Variants in GPM6B observed in about 807,000 individuals in gnomAD.
The protein encoded by GPM6B is glycoprotein M6B, also known as neuronal membrane glycoprotein M6-b.
GPM6B carries 4 observed loss-of-function variants against 27.2 expected under a neutral mutation model. That is an observed-to-expected ratio of 0.15 (90% CI 0.07 to 0.34). GPM6B has a LOEUF of 0.34. GPM6B is among the 10% of genes least tolerant of loss of function. The probability of loss-of-function intolerance (pLI) is 1.00; values close to 1 mark genes in which losing one functional copy is unlikely to be tolerated. For missense variants in GPM6B, 183 were observed against 261.9 expected (o/e 0.70, Z 2.08); for synonymous variants, 124 against 103.1 (o/e 1.20, Z -1.23).
intron 1 of GPM6B, among the ~76,000 whole-genome samples, chrX:13,874,852 T>C (rs1241560075): frequency 8.9e-6 from 1 of 111,938 alleles, no homozygotes; most frequent in Non-Finnish European, 1.9e-5. Context: ...TTGTGAAGAC[T>C]AAACGAGGTC....
intron 2 of GPM6B, among the ~76,000 whole-genome samples, chrX:13,802,552 T>TTATATA (rs10645553): frequency 1.3e-4 from 14 of 106,014 alleles, no homozygotes; most frequent in African/African-American, 3.1e-4. Flanking sequence ...ATAAATTATT[T>TTATATA]TATATATATA....
chrX:13,845,283 C>T (rs1177834155), intron 1 of GPM6B, among the ~76,000 whole-genome samples: 2 of 111,918 alleles, frequency 1.8e-5, no homozygotes, highest in Admixed American at 9.5e-5. Context: ...AGCCACTGCA[C>T]CTGGCCAGAA....
At chrX:13,776,151 A>T in intron 7 of GPM6B, 87 bp downstream of exon 7, 1 of 750,272 alleles carries the variant, frequency 1.3e-6, no homozygotes, top group Non-Finnish European at 2.1e-6. Context: ...TGGCTTCAAT[A>T]GGCTGGTAAA....
chrX:13,812,110 C>A (rs1174726902), intron 1 of GPM6B, among the ~76,000 whole-genome samples: 1 of 96,241 alleles, frequency 1.0e-5, no homozygotes, highest in Non-Finnish European at 2.0e-5. Context: ...AGTGCAGCGG[C>A]ACTATCTCGG....
At chrX:13,796,954 C>T (rs1174555939) in intron 2 of GPM6B, among the ~76,000 whole-genome samples, 1 of 112,505 alleles carries the variant, frequency 8.9e-6, no homozygotes, top group African/African-American at 3.2e-5. Context: ...AGTGGGACAG[C>T]AAGGAATCAT....
At chrX:13,841,487 C>T (rs1434992163) in intron 1 of GPM6B, among the ~76,000 whole-genome samples, 4 of 112,019 alleles carry the variant, frequency 3.6e-5, no homozygotes, top group Admixed American at 1.9e-4. Flanking sequence ...CTTTACATAT[C>T]GTAGGCATGT....
chrX:13,902,490 T>C (rs2050291148), intron 1 of GPM6B, among the ~76,000 whole-genome samples: 1 of 111,207 alleles, frequency 9.0e-6, no homozygotes. Context: ...ATTACTCTAT[T>C]GCCAACGAAG....
At chrX:13,899,230 G>A (rs2050259380) in intron 1 of GPM6B, among the ~76,000 whole-genome samples, 2 of 108,344 alleles carry the variant, frequency 1.8e-5, no homozygotes, top group Non-Finnish European at 3.8e-5. Flanking sequence ...GACCAACATG[G>A]TGAAACCCCA....
At chrX:13,852,584 C>G (rs971700993) in intron 1 of GPM6B, among the ~76,000 whole-genome samples, 1 of 110,623 alleles carries the variant, frequency 9.0e-6, no homozygotes, top group African/African-American at 3.3e-5. Context: ...CTGTTCTGTA[C>G]CCTGCTTTTG....
intron 1 of GPM6B, among the ~76,000 whole-genome samples, chrX:13,877,659 A>C (rs1239979210): frequency 1.4e-5 from 1 of 70,981 alleles, no homozygotes; most frequent in Non-Finnish European, 2.5e-5. Flanking sequence ...CCATCTTTAC[A>C]AAAAAAACCC....
intron 2 of GPM6B, among the ~76,000 whole-genome samples, chrX:13,795,534 G>A (rs1207022839): frequency 8.9e-6 from 1 of 111,734 alleles, no homozygotes; most frequent in Non-Finnish European, 1.9e-5. Flanking sequence ...GCAGATGTAA[G>A]AGTCCAGCTG....
At chrX:13,837,392 A>G (rs1231714234) in intron 1 of GPM6B, among the ~76,000 whole-genome samples, 1 of 111,420 alleles carries the variant, frequency 9.0e-6, no homozygotes, top group African/African-American at 3.3e-5. Flanking sequence ...GGGGCCGCTG[A>G]GTCACCAGTA....
At chrX:13,832,570 T>C (rs1376875674) in intron 1 of GPM6B, among the ~76,000 whole-genome samples, 2 of 111,133 alleles carry the variant, frequency 1.8e-5, no homozygotes, top group Non-Finnish European at 3.8e-5. Flanking sequence ...TGCACAAAAA[T>C]TGGAGCTATT....
chrX:13,816,944 C>A lies in GPM6B; in HGVS notation c.-40G>T, dbSNP rs746550572. On this transcript the variant is annotated 5_prime_UTR_variant, in exon 1 of 8. Transcript: ENST00000316715. ...ATGCTTTTCCCCCTGTTCCCCCCAACACACACTTGTTTTTCCTCCTCTTCC... is the reference window on the plus strand; with the variant it reads ...ATGCTTTTCCCCCTGTTCCCCCCAAAACACACTTGTTTTTCCTCCTCTTCC... 4.3e-6 allele frequency: 5 copies of A among 1,170,466 alleles called. No homozygotes were observed. The East Asian group carries it at 1.2e-4, about 29-fold the overall frequency.
chrX:13,892,545 T>C (rs2050197888), intron 1 of GPM6B, among the ~76,000 whole-genome samples: 1 of 111,992 alleles, frequency 8.9e-6, no homozygotes, highest in South Asian at 3.7e-4. Flanking sequence ...GAATACTCAC[T>C]TCTTCAGACA....
intron 1 of GPM6B, among the ~76,000 whole-genome samples, chrX:13,904,725 C>G (rs764308680): frequency 9.1e-6 from 1 of 110,321 alleles, no homozygotes; most frequent in African/African-American, 3.3e-5. Flanking sequence ...ACCTCTGGGA[C>G]CAGCTGGGGC....
chrX:13,841,252 T>G (rs2049570946), intron 1 of GPM6B, among the ~76,000 whole-genome samples: 1 of 111,997 alleles, frequency 8.9e-6, no homozygotes, highest in Non-Finnish European at 1.9e-5. Flanking sequence ...CCCCAGCAGA[T>G]GCCTCCGTCA....
chrX:13,823,673 C>T (rs754673520), intron 1 of GPM6B, among the ~76,000 whole-genome samples: 2 of 111,227 alleles, frequency 1.8e-5, no homozygotes, highest in South Asian at 7.7e-4. Flanking sequence ...GCGTGTGCCA[C>T]CATGCCCAGC....
intron 1 of GPM6B, among the ~76,000 whole-genome samples, chrX:13,915,241 T>G (rs190296370): frequency 0.015 from 1,469 of 97,267 alleles, 39 homozygotes; most frequent in African/African-American, 0.056. Context: ...TACTCCAGCC[T>G]GGCCAACAGA....
Sources: allele counts gnomAD v4.1 joint callset (sites outside exome capture counted in the v4.1 genomes callset), GRCh38; gene constraint gnomAD v4.1.1; transcripts MANE v1.5; gene names NCBI Gene and HGNC (gene_info 2026-07-23, HGNC 2026-07-21).